Variants in PEX2 observed in about 807,000 individuals in gnomAD.
PEX2 encodes peroxisomal biogenesis factor 2, also known as peroxisome biogenesis factor 2.
PEX2 carries 19 observed loss-of-function variants against 25.2 expected under a neutral mutation model. That is an observed-to-expected ratio of 0.75 (90% CI 0.53 to 1.10). PEX2 has a LOEUF of 1.10. Among genes scored for constraint, PEX2 ranks in the 50% least tolerant of loss-of-function variants. PEX2 has a pLI of 0.00. For synonymous variants in PEX2, 141 were observed against 127.7 expected, an observed-to-expected ratio of 1.10 and a Z score of -0.70; for missense variants, 347 against 350.6, an observed-to-expected ratio of 0.99 and a Z score of 0.08.
intron 1 of PEX2, among the ~76,000 whole-genome samples, chr8:76,994,762 C>G (rs1807272891): frequency 6.6e-6 from 1 of 152,136 alleles, no homozygotes; most frequent in Non-Finnish European, 1.5e-5. Context: ...ACTGCCACAC[C>G]ATCTTAAATG....
intron 1 of PEX2, among the ~76,000 whole-genome samples, chr8:76,993,940 T>C (rs1046570448): frequency 1.3e-5 from 2 of 152,142 alleles, no homozygotes; most frequent in African/African-American, 4.8e-5. Flanking sequence ...GATTCTACCA[T>C]GTTAAGGATA....
In PEX2 at chr8:76,983,571, A is replaced by C. The variant is rs2132043579; in HGVS notation, c.608T>G (p.Phe203Cys). The stretch of plus-strand genomic sequence containing the variant: ...GATAAGTGGTAAGAGAAAAATCAGA[A>C]ATTCAGCAAAACCATGCCAGAGAAG... ...RELLWHGFAE[F>C]LIFLLPLINV... The change falls in exon 4 of 4, where the codon TTT becomes TGT. Residue 203 changes from phenylalanine to cysteine, a missense_variant. By Grantham distance (205) the Phe-to-Cys change is radical (BLOSUM62 -2). Coordinates refer to ENST00000357039, the MANE Select transcript of PEX2 (RefSeq NM_000318.3). The C allele has an allele frequency of 6.2e-7, 1 of 1,614,110 alleles. No homozygotes were observed. Among genetic ancestry groups the C allele is most frequent in the Admixed American group, 1.7e-5 (1 of 60,022 alleles).
At position 76,982,105 on chromosome 8, in the gene PEX2, CTG is replaced by C. The variant is rs1427094244; in HGVS notation, c.*1154_*1155del. ...ATGTTTATTTAAAAACATTTAAAAACTGTTTTTTAAAAAACATTCTAGTTAAG... is the reference window on the plus strand; with the variant it reads ...ATGTTTATTTAAAAACATTTAAAAACTTTTTTAAAAAACATTCTAGTTAAG... On this transcript the variant is annotated 3_prime_UTR_variant, in exon 4 of 4. Coordinates refer to ENST00000357039, the MANE Select transcript of PEX2 (RefSeq NM_000318.3). 3 of 152,118 alleles carry C rather than the reference CTG, an allele frequency of 2.0e-5. No individual in the cohort carries two copies. Among genetic ancestry groups the C allele is most frequent in the African/African-American group, 2.4e-5 (1 of 41,426 alleles). 9.4% of individuals were successfully genotyped at this position (152,118 alleles called of 1,614,324 possible).
intron 3 of PEX2, among the ~76,000 whole-genome samples, chr8:76,985,093 A>G (rs914997216): frequency 4.6e-5 from 7 of 152,054 alleles, no homozygotes; most frequent in Non-Finnish European, 8.8e-5. Context: ...GATATAATTA[A>G]AACACCAAGT....
chr8:76,994,064 TA>T (rs35978283), intron 1 of PEX2, among the ~76,000 whole-genome samples: 2 of 152,204 alleles, frequency 1.3e-5, no homozygotes, highest in Non-Finnish European at 2.9e-5. Context: ...GATCTAGTAC[TA>T]AAAACTATTA....
At chr8:76,990,667 C>T (rs932450551) in intron 1 of PEX2, among the ~76,000 whole-genome samples, 7 of 151,960 alleles carry the variant, frequency 4.6e-5, no homozygotes, top group Non-Finnish European at 1.0e-4. Context: ...TTAAGTTCAC[C>T]ATCTTATATG....
At chr8:76,993,726 T>C (rs548775857) in intron 1 of PEX2, among the ~76,000 whole-genome samples, 4 of 152,222 alleles carry the variant, frequency 2.6e-5, no homozygotes, top group Admixed American at 6.5e-5. Flanking sequence ...AATTTAATTC[T>C]AATAGATTTT....
intron 1 of PEX2, among the ~76,000 whole-genome samples, chr8:76,988,931 G>A (rs1807081723): frequency 6.6e-6 from 1 of 150,678 alleles, no homozygotes; most frequent in South Asian, 2.1e-4. Flanking sequence ...AGTGGCTCAT[G>A]CCTATAATTC....
In PEX2 at chr8:76,983,418, G is replaced by C. The variant is rs1281270934; in HGVS notation, c.761C>G (p.Pro254Arg). 4 of 1,614,004 alleles carry C rather than the reference G, an allele frequency of 2.5e-6. No homozygotes were observed. The African/African-American group carries it at 5.3e-5, about 22-fold the overall frequency. Residue 254 changes from proline (P) to arginine (R), a missense_variant, in exon 4 of 4, where the codon CCT becomes CGT. Transcript: ENST00000357039. Reference sequence around the variant, plus strand: ...AATATGCTCACATCCTATGGTGTGAGGCATGGTGGGCCACTCTCCACATAG... The same window carrying C: ...AATATGCTCACATCCTATGGTGTGACGCATGGTGGGCCACTCTCCACATAG... ...CALCGEWPTM[P>R]HTIGCEHIFC...
At chr8:76,998,836 C>T (rs1563613906) in intron 1 of PEX2, among the ~76,000 whole-genome samples, 2 of 152,040 alleles carry the variant, frequency 1.3e-5, no homozygotes, top group African/African-American at 4.8e-5. Flanking sequence ...AAGGAGAATA[C>T]GGCCAAGAGG....
chr8:76,993,218 C>T (rs193182794), intron 1 of PEX2, among the ~76,000 whole-genome samples: 34 of 152,228 alleles, frequency 2.2e-4, no homozygotes, highest in African/African-American at 7.5e-4. Context: ...CATGAATAAT[C>T]ATTGAAGAGA....
chr8:76,989,007 T>TAAAAAAA (rs56178165), intron 1 of PEX2, among the ~76,000 whole-genome samples: 1 of 129,880 alleles, frequency 7.7e-6, no homozygotes, highest in African/African-American at 2.9e-5. Flanking sequence ...CTACAAAAAC[T>TAAAAAAA]AAAAAAAAAA....
chr8:76,985,137 A>G (rs1194857282), intron 3 of PEX2, among the ~76,000 whole-genome samples: 1 of 150,160 alleles, frequency 6.7e-6, no homozygotes, highest in Non-Finnish European at 1.5e-5. Context: ...ACCAGTTCAG[A>G]TATTTTAAAT....
At chr8:77,000,459 C>G (rs1313274522), upstream of PEX2, among the ~76,000 whole-genome samples, 1 of 151,942 alleles carries the variant, frequency 6.6e-6, no homozygotes, top group Non-Finnish European at 1.5e-5. Context: ...CTGGCAGGCG[C>G]CGCCGGGTGG....
intron 1 of PEX2, among the ~76,000 whole-genome samples, chr8:76,997,881 G>A (rs917428256): frequency 2.9e-4 from 44 of 152,128 alleles, no homozygotes; most frequent in Admixed American, 6.5e-5. Context: ...GAAACTACAG[G>A]GCTGGGTTTA....
At chr8:76,999,693 G>T (rs1807437799) in intron 1 of PEX2, 1 of 368,580 alleles carries the variant, frequency 2.7e-6, no homozygotes, top group Non-Finnish European at 5.3e-6. Flanking sequence ...GAGAGAAAAA[G>T]ATTTCGAAGT....
chr8:76,993,531 C>T (rs919096136), intron 1 of PEX2, among the ~76,000 whole-genome samples: 1 of 152,172 alleles, frequency 6.6e-6, no homozygotes, highest in South Asian at 2.1e-4. Flanking sequence ...AACACCCATG[C>T]CCAACCACTG....
intron 3 of PEX2, among the ~76,000 whole-genome samples, chr8:76,985,401 G>T (rs547989484): frequency 6.6e-6 from 1 of 152,136 alleles, no homozygotes; most frequent in Admixed American, 6.5e-5. Flanking sequence ...GAATAGCATA[G>T]TTAATATGCT....
chr8:76,984,488 C>T (rs1806948824), intron 3 of PEX2, among the ~76,000 whole-genome samples: 1 of 152,068 alleles, frequency 6.6e-6, no homozygotes, highest in Non-Finnish European at 1.5e-5. Flanking sequence ...ACCCTCTTTC[C>T]ACAAATATAC....
Sources: allele counts gnomAD v4.1 joint callset (sites outside exome capture counted in the v4.1 genomes callset), GRCh38; gene constraint gnomAD v4.1.1; transcripts MANE v1.5; gene names NCBI Gene and HGNC (gene_info 2026-07-23, HGNC 2026-07-21).